Variants in CIMAP1D observed in about 807,000 individuals in gnomAD.
CIMAP1D encodes CIMAP1 family member D, also known as protein CIMAP1D.
chr19:467,846 C>T, the CIMAP1D span: 3 of 829,170 alleles, frequency 3.6e-6, no homozygotes, highest in African/African-American at 5.2e-5. Context: ...CCTCTTGGCC[C>T]CGAGACACTC....
chr19:485,303 C>T, the CIMAP1D span, among the ~76,000 whole-genome samples: 6 of 152,344 alleles, frequency 3.9e-5, no homozygotes, highest in Non-Finnish European at 5.9e-5. Flanking sequence ...CATAGGAACA[C>T]GAAGAGGCAG....
At chr19:476,778 A>T in the CIMAP1D span, among the ~76,000 whole-genome samples, 1 of 152,242 alleles carries the variant, frequency 6.6e-6, no homozygotes, top group Non-Finnish European at 1.5e-5. Flanking sequence ...TGAATAACCC[A>T]CGCATCAAAG....
the CIMAP1D span, among the ~76,000 whole-genome samples, chr19:487,287 G>C: frequency 3.3e-5 from 5 of 152,174 alleles, no homozygotes; most frequent in African/African-American, 1.2e-4. Context: ...GGCGTGCGCT[G>C]CAAGTGAGGG....
chr19:473,856 A>G, the CIMAP1D span, among the ~76,000 whole-genome samples: 1 of 143,682 alleles, frequency 7.0e-6, no homozygotes, highest in African/African-American at 2.6e-5. Flanking sequence ...ATACACGGTC[A>G]CAGATGGGGA....
chr19:469,939 CTCA>C, the CIMAP1D span, among the ~76,000 whole-genome samples: 3 of 150,736 alleles, frequency 2.0e-5, no homozygotes, highest in African/African-American at 4.9e-5. Context: ...CACACCCCAG[CTCA>C]TCATGACATC....
At chr19:488,591 T>C in the CIMAP1D span, among the ~76,000 whole-genome samples, 2 of 152,218 alleles carry the variant, frequency 1.3e-5, no homozygotes, top group Non-Finnish European at 2.9e-5. Context: ...GGGACTGACG[T>C]CCGGGTACCC....
the CIMAP1D span, among the ~76,000 whole-genome samples, chr19:466,795 A>T: frequency 1.3e-5 from 1 of 78,938 alleles, no homozygotes; most frequent in East Asian, 4.7e-4. Flanking sequence ...ATGGATGGGT[A>T]GATGGTTGGG....
the CIMAP1D span, among the ~76,000 whole-genome samples, chr19:485,260 AC>A: frequency 6.6e-6 from 1 of 152,320 alleles, no homozygotes; most frequent in East Asian, 1.9e-4. Context: ...GATGAGGCAC[AC>A]ACAGGCAGGC....
the CIMAP1D span, among the ~76,000 whole-genome samples, chr19:481,513 G>A: frequency 5.3e-5 from 7 of 131,670 alleles, no homozygotes; most frequent in African/African-American, 1.6e-4. Flanking sequence ...AGGATGATGG[G>A]GAAGGATGAT....
chr19:490,203 A>G, the CIMAP1D span: 1 of 325,750 alleles, frequency 3.1e-6, no homozygotes, highest in East Asian at 4.8e-5. Context: ...TAAAAATACA[A>G]AAATTAGCCG....
the CIMAP1D span, among the ~76,000 whole-genome samples, chr19:485,554 G>A: frequency 6.6e-6 from 1 of 152,242 alleles, no homozygotes; most frequent in Non-Finnish European, 1.5e-5. Flanking sequence ...GGTGGAGAAG[G>A]GTGATCAGAG....
the CIMAP1D span, chr19:490,193 T>C: frequency 3.0e-6 from 1 of 335,326 alleles, no homozygotes; most frequent in East Asian, 4.6e-5. Context: ...TCGTCTCTAC[T>C]AAAAATACAA....
At chr19:467,288 G>A in the CIMAP1D span, among the ~76,000 whole-genome samples, 6,710 of 151,968 alleles carry the variant, frequency 0.044, 347 homozygotes, top group African/African-American at 0.12. Flanking sequence ...AGGTGGATGG[G>A]AGAATGGAGT....
the CIMAP1D span, chr19:464,351 C>T: frequency 1.1e-5 from 17 of 1,538,408 alleles, no homozygotes; most frequent in South Asian, 2.4e-5. Context: ...CAGGGCCTGG[C>T]GTCACCTCCG....
At chr19:467,258 T>G in the CIMAP1D span, among the ~76,000 whole-genome samples, 1 of 149,890 alleles carries the variant, frequency 6.7e-6, no homozygotes, top group Admixed American at 6.7e-5. Flanking sequence ...GGTGGATGGA[T>G]AGATGGTGGG....
At chr19:463,898 G>T in the CIMAP1D span, 4 of 1,611,290 alleles carry the variant, frequency 2.5e-6, no homozygotes, top group South Asian at 4.4e-5. Flanking sequence ...GCGTGGTGGC[G>T]GCCATGGTGC....
At chr19:480,957 TGGGAAGGATGATG>T in the CIMAP1D span, among the ~76,000 whole-genome samples, 199 of 62,344 alleles carry the variant, frequency 3.2e-3, no homozygotes, top group Non-Finnish European at 4.0e-3. Context: ...AGAAGGAATG[TGGGAAGGATGATG>T]GGGAAGGATG....
the CIMAP1D span, among the ~76,000 whole-genome samples, chr19:478,685 G>A: frequency 1.3e-4 from 20 of 152,406 alleles, no homozygotes; most frequent in East Asian, 3.9e-3. Context: ...CTCGACAGAA[G>A]AGACTAAATC....
chr19:481,498 T>TGATG, the CIMAP1D span, among the ~76,000 whole-genome samples: 1 of 44,662 alleles, frequency 2.2e-5, no homozygotes, highest in Admixed American at 2.8e-4. Flanking sequence ...GGAAGGATGA[T>TGATG]GGGAAGGATG....
Sources: gnomAD v4.1 joint callset for allele counts (sites outside exome capture counted in the v4.1 genomes callset) on GRCh38, gnomAD v4.1.1 for gene constraint, MANE v1.5 for transcripts, NCBI Gene and HGNC (gene_info 2026-07-23, HGNC 2026-07-21) for gene names.